Variants in PGLS observed in about 807,000 individuals in gnomAD.
The protein encoded by PGLS is 6-phosphogluconolactonase.
PGLS carries 21 observed loss-of-function variants against 23.2 expected under a neutral mutation model. The ratio of observed to expected loss-of-function variants is 0.91; its 90% confidence interval spans 0.64 to 1.31. The LOEUF (loss-of-function observed/expected upper bound fraction) is 1.31, where lower values mean the gene tolerates loss of function less well. PGLS is among the 50% of genes most tolerant of loss of function. The pLI is 0.00. For missense variants in PGLS, 410 were observed against 354.0 expected, an observed-to-expected ratio of 1.16 and a Z score of -1.27; for synonymous variants, 179 against 165.4, an observed-to-expected ratio of 1.08 and a Z score of -0.63.
At chr19:17,519,384 G>GA (rs2075547348) in intron 4 of PGLS, among the ~76,000 whole-genome samples, 2 of 151,636 alleles carry the variant, frequency 1.3e-5, no homozygotes, top group Non-Finnish European at 2.9e-5. Flanking sequence ...TCAGATTACA[G>GA]TGTCCAGAAA....
At chr19:17,516,740 A>G (rs999957286) in intron 2 of PGLS, among the ~76,000 whole-genome samples, 1 of 151,766 alleles carries the variant, frequency 6.6e-6, no homozygotes, top group Non-Finnish European at 1.5e-5. Context: ...GCCCGCCACC[A>G]CGCCTGGTTA....
At chr19:17,519,946 G>C (rs954588387) in intron 4 of PGLS, among the ~76,000 whole-genome samples, 3 of 152,112 alleles carry the variant, frequency 2.0e-5, no homozygotes, top group African/African-American at 7.2e-5. Context: ...TTGAGTCTAG[G>C]AGTTTGAGAC....
chr19:17,511,974 G>A lies in PGLS; in HGVS notation c.288+14G>A, dbSNP rs1248423875. On this transcript the variant is annotated intron_variant, in intron 1 of 4. Transcript: ENST00000252603. ...GGCCTCTACCGGGTGAGAGCTACGG[G>A]GGCCGCCGGGGATCACGCCGAGAGG... is the stretch of plus-strand genomic sequence containing the variant. 6.5e-7 allele frequency: 1 copy of A among 1,534,166 alleles called. No homozygotes were observed. The highest frequency in any genetic ancestry group is 1.2e-5 in the South Asian group (1 of 83,444).
chr19:17,520,199 G>A (rs964260794), intron 4 of PGLS, among the ~76,000 whole-genome samples: 2 of 151,974 alleles, frequency 1.3e-5, no homozygotes, highest in East Asian at 1.9e-4. Flanking sequence ...GTGGCTCAAC[G>A]TGGGAGTTCA....
chr19:17,520,688 AC>A, intron 4 of PGLS: 3 of 309,042 alleles, frequency 9.7e-6, no homozygotes, highest in Non-Finnish European at 1.7e-5. Context: ...CCAAGATCGT[AC>A]CACTGCACTC....
Position 17,521,088 on chromosome 19 carries a change from A to T in PGLS, c.*7A>T, listed in dbSNP as rs767266670. ...GAAGCATTCCACTTTGTAGCTGGCC[A>T]GAGGGACGCCGCAGCTGGGACCAGG... On this transcript the variant is annotated 3_prime_UTR_variant, in exon 5 of 5. Transcript: ENST00000252603. 25 of 1,591,504 alleles carry T rather than the reference A, an allele frequency of 1.6e-5. No homozygotes were observed. In the East Asian group the frequency reaches 5.1e-4, roughly 32 times the overall value.
chr19:17,517,695 G>A lies in PGLS; in HGVS notation c.499-15G>A, dbSNP rs1411771372. On this transcript the variant is annotated splice_polypyrimidine_tract_variant and intron_variant, in intron 3 of 4. Transcript: ENST00000252603. ...CATTGTCCTTCTGCCTCCATCCCTG[G>A]GCTTCCTCCCCAAGGAGCGGGAGAA... 1 of 1,613,828 alleles carries A rather than the reference G, an allele frequency of 6.2e-7. No individual in the cohort carries two copies. The highest frequency in any genetic ancestry group is 2.2e-5 in the East Asian group (1 of 44,882).
intron 1 of PGLS, among the ~76,000 whole-genome samples, chr19:17,514,927 C>T (rs528429020): frequency 6.6e-6 from 1 of 152,272 alleles, no homozygotes; most frequent in South Asian, 2.1e-4. Context: ...GCTGGGATTA[C>T]AGGCATGAGC....
At chr19:17,512,782 G>C (rs532031890) in intron 1 of PGLS, 1 of 152,208 alleles carries the variant, frequency 6.6e-6, no homozygotes, top group East Asian at 1.9e-4. Flanking sequence ...GCAGCGTCAA[G>C]GGACACCCCA....
rs772312440 is a variant in PGLS at position 17,511,948 on chromosome 19, C to T, written c.276C>T (p.Tyr92=). Residue 92 remains tyrosine (Y), a synonymous_variant, in exon 1 of 5, where the codon TAC becomes TAT. Coordinates refer to ENST00000252603, the MANE Select transcript of PGLS (RefSeq NM_012088.3). ...LVPFDHAEST[Y]GLYRTHLLSR... ...CCTTCGATCACGCCGAGAGCACGTA[C>T]GGCCTCTACCGGGTGAGAGCTACGG... is the stretch of plus-strand genomic sequence containing the variant. 2 of 1,549,142 alleles carry T rather than the reference C, an allele frequency of 1.3e-6. No individual in the cohort carries two copies. The highest frequency in any genetic ancestry group is 2.8e-5 in the African/African-American group (2 of 71,698).
At chr19:17,519,846 A>G (rs1217444483) in intron 4 of PGLS, among the ~76,000 whole-genome samples, 6 of 152,258 alleles carry the variant, frequency 3.9e-5, no homozygotes, top group Admixed American at 2.0e-4. Context: ...TCTTTTGCTG[A>G]AAAAGGGTGC....
At chr19:17,520,337 C>G (rs1052931078) in intron 4 of PGLS, 1 of 151,998 alleles carries the variant, frequency 6.6e-6, no homozygotes, top group East Asian at 1.9e-4. Context: ...CACCTGAGTT[C>G]AGGAGTTCTA....
At chr19:17,516,325 G>T in intron 2 of PGLS, 45 bp downstream of exon 2, 1 of 1,581,154 alleles carries the variant, frequency 6.3e-7, no homozygotes, top group South Asian at 1.1e-5. Flanking sequence ...TCCACGAAGC[G>T]GCCACACCCC....
intron 1 of PGLS, 154 bp downstream of exon 1, chr19:17,512,114 G>C: frequency 1.2e-6 from 1 of 810,884 alleles, no homozygotes; most frequent in Non-Finnish European, 1.8e-6. Context: ...TGCCAAGAGG[G>C]CCGTGCCCAC....
intron 4 of PGLS, chr19:17,520,322 T>A (rs1436025547): frequency 2.0e-5 from 3 of 151,518 alleles, no homozygotes; most frequent in Non-Finnish European, 2.9e-5. Flanking sequence ...CCTAGGCGGG[T>A]GGATCACCTG....
chr19:17,512,027 A>G (rs1220190081), intron 1 of PGLS, 67 bp downstream of exon 1: 8 of 1,445,272 alleles, frequency 5.5e-6, no homozygotes, highest in Non-Finnish European at 7.3e-6. Context: ...CACCCCGGCT[A>G]CGGAGGCCGC....
intron 4 of PGLS, 119 bp from the exon 5 acceptor site, chr19:17,520,825 C>T: frequency 8.9e-7 from 1 of 1,122,488 alleles, no homozygotes. Context: ...CTGAGCTGGG[C>T]ATTGTCACAT....
Position 17,517,406 on chromosome 19 carries a change from G to A in PGLS, c.498+17G>A, listed in dbSNP as rs537646452. ...CTCCTACAGGTGAGCACACCAATGCGGGGTTCCACCCTAGTCCTGAGCCCA... is the reference window on the plus strand; with the variant it reads ...CTCCTACAGGTGAGCACACCAATGCAGGGTTCCACCCTAGTCCTGAGCCCA... On this transcript the variant is annotated intron_variant, in intron 3 of 4. Coordinates refer to ENST00000252603, the MANE Select transcript of PGLS (RefSeq NM_012088.3). 1.5e-5 allele frequency: 23 copies of A among 1,581,520 alleles called. No individual in the cohort carries two copies. The highest frequency in any genetic ancestry group is 1.2e-4 in the South Asian group (11 of 90,264).
intron 1 of PGLS, chr19:17,512,317 G>T (rs2075512868): frequency 3.0e-6 from 1 of 328,612 alleles, no homozygotes; most frequent in Non-Finnish European, 5.7e-6. Flanking sequence ...CCTACAGTGG[G>T]TCCCGCAGGA....
Sources: allele counts gnomAD v4.1 joint callset (sites outside exome capture counted in the v4.1 genomes callset), GRCh38; gene constraint gnomAD v4.1.1; transcripts MANE v1.5; gene names NCBI Gene and HGNC (gene_info 2026-07-23, HGNC 2026-07-21).